Variants in ABCA13 observed in about 807,000 individuals in gnomAD.
ABCA13 encodes the protein ATP-binding cassette sub-family A member 13.
In ABCA13, 476 loss-of-function variants were observed where a neutral mutation model predicts 478.7. That is an observed-to-expected ratio of 0.99 (90% CI 0.92 to 1.07). The LOEUF (loss-of-function observed/expected upper bound fraction) is 1.07, where lower values mean the gene tolerates loss of function less well. ABCA13 is among the 50% of genes least tolerant of loss of function. The pLI, the probability that ABCA13 is intolerant of heterozygous loss-of-function variation, is 0.00. For synonymous variants in ABCA13, 2,252 were observed against 2,158.9 expected, an observed-to-expected ratio of 1.04 and a Z score of -1.20; for missense variants, 6,060 against 5,910.6, an observed-to-expected ratio of 1.03 and a Z score of -0.83.
chr7:48,345,899 C>G (rs1041198197), intron 29 of ABCA13, among the ~76,000 whole-genome samples: 11 of 152,156 alleles, frequency 7.2e-5, no homozygotes, highest in African/African-American at 2.7e-4. Context: ...CTAAGTGTAT[C>G]ATTTAATACC....
chr7:48,299,591 C>T (rs546739684), intron 23 of ABCA13, among the ~76,000 whole-genome samples: 8 of 152,106 alleles, frequency 5.3e-5, no homozygotes, highest in Non-Finnish European at 1.0e-4. Context: ...GTTATTGAAA[C>T]GAGTAATAGG....
At chr7:48,232,166 G>GTTTTTTTTTTTTTTTTTTT (rs1789240529) in intron 7 of ABCA13, among the ~76,000 whole-genome samples, 1 of 14,284 alleles carries the variant, frequency 7.0e-5, no homozygotes, top group Admixed American at 5.5e-4. Flanking sequence ...TTTTTTTTTA[G>GTTTTTTTTTTTTTTTTTTT]CTTTCTGTAA....
At chr7:48,256,109 GTGTC>G (rs1228311749) in intron 15 of ABCA13, among the ~76,000 whole-genome samples, 1 of 152,092 alleles carries the variant, frequency 6.6e-6, no homozygotes, top group Non-Finnish European at 1.5e-5. Context: ...CTTCTAAAAA[GTGTC>G]TGTTCATGTC....
At chr7:48,374,879 C>T (rs1214524737) in intron 34 of ABCA13, among the ~76,000 whole-genome samples, 3 of 152,194 alleles carry the variant, frequency 2.0e-5, no homozygotes, top group Admixed American at 1.3e-4. Flanking sequence ...CAGCCACTCT[C>T]CATTGCTCAC....
At chr7:48,388,001 T>C (rs760305647) in intron 36 of ABCA13, 42 bp downstream of exon 36, 1 of 1,577,970 alleles carries the variant, frequency 6.3e-7, no homozygotes, top group Admixed American at 1.9e-5. Flanking sequence ...TATTTTTCCT[T>C]TGATCCATTT....
intron 48 of ABCA13, among the ~76,000 whole-genome samples, chr7:48,497,305 C>A (rs1830362363): frequency 2.0e-5 from 3 of 151,918 alleles, no homozygotes; most frequent in Admixed American, 2.0e-4. Flanking sequence ...TTTATATTTT[C>A]TAATGAGATT....
rs145805329 is a variant in ABCA13 at position 48,455,749 on chromosome 7, G to A, written c.12815+463G>A. On this transcript the variant is annotated intron_variant, in intron 43 of 61. Transcript: ENST00000435803. ...CACACCTCTCTGCGGAGAAACGTATGACAGCACGGAAGGGATGGAAGCCCT... is the reference window on the plus strand; with the variant it reads ...CACACCTCTCTGCGGAGAAACGTATAACAGCACGGAAGGGATGGAAGCCCT... Among the ~76,000 whole-genome samples, 200 of 152,362 alleles carry A rather than the reference G, an allele frequency of 1.3e-3. 2 individuals carry two copies. Among genetic ancestry groups the A allele is most frequent in the African/African-American group, 4.3e-3 (179 of 41,586 alleles).
At chr7:48,579,727 AG>A (rs1222858196) in intron 55 of ABCA13, among the ~76,000 whole-genome samples, 1 of 152,198 alleles carries the variant, frequency 6.6e-6, no homozygotes, top group Non-Finnish European at 1.5e-5. Context: ...GGCTAAACAA[AG>A]CAAAAGGGAT....
At chr7:48,175,732 T>A (rs544341431) in intron 1 of ABCA13, among the ~76,000 whole-genome samples, 7 of 152,314 alleles carry the variant, frequency 4.6e-5, no homozygotes, top group African/African-American at 1.4e-4. Flanking sequence ...ATGTGATATA[T>A]CATTGTTATT....
chr7:48,534,690 T>G (rs1477619736), intron 55 of ABCA13, among the ~76,000 whole-genome samples: 2 of 152,204 alleles, frequency 1.3e-5, no homozygotes, highest in Non-Finnish European at 2.9e-5. Flanking sequence ...TCTTGGAGGC[T>G]TTGTTCATTT....
chr7:48,395,591 C>A (rs1816735271), intron 38 of ABCA13, among the ~76,000 whole-genome samples: 1 of 152,186 alleles, frequency 6.6e-6, no homozygotes, highest in Non-Finnish European at 1.5e-5. Context: ...TTTGAGATAG[C>A]AAGACCAGCT....
chr7:48,574,278 G>A (rs1332019483), intron 55 of ABCA13, among the ~76,000 whole-genome samples: 1 of 152,032 alleles, frequency 6.6e-6, no homozygotes, highest in African/African-American at 2.4e-5. Context: ...CTCAGAAAAT[G>A]GGATGATCTT....
In ABCA13 at chr7:48,185,887, T is replaced by C. The variant is rs190394190; in HGVS notation, c.70-7072T>C. Among the ~76,000 whole-genome samples, 866 of 152,118 alleles carry C rather than the reference T, an allele frequency of 5.7e-3. 12 individuals are homozygous for C. Among genetic ancestry groups the C allele is most frequent in the African/African-American group, 0.02 (820 of 41,570 alleles). ...GAGGTTAAATGATTAAGTATACACG[T>C]TCATAATATTATTATACTTTTTGGT... is the stretch of plus-strand genomic sequence containing the variant. On this transcript the variant is annotated intron_variant, in intron 1 of 61. Transcript: ENST00000435803.
At chr7:48,376,709 G>C in intron 35 of ABCA13, 137 bp downstream of exon 35, 2 of 1,063,384 alleles carry the variant, frequency 1.9e-6, no homozygotes, top group Non-Finnish European at 1.3e-6. Flanking sequence ...TATTTAAAAG[G>C]AGCTGTACAT....
Position 48,317,258 on chromosome 7 carries a change from A to C in ABCA13, c.9961A>C (p.Thr3321Pro). 6.2e-7 allele frequency: 1 copy of C among 1,613,624 alleles called. No individual in the cohort carries two copies. The highest frequency in any genetic ancestry group is 8.5e-7 in the Non-Finnish European group (1 of 1,179,832). The change falls in exon 27 of 62, where the codon ACA (threonine) becomes CCA (proline). Residue 3321 changes from threonine (T) to proline (P), a missense_variant. Thr to Pro is a conservative substitution (Grantham distance 38). This residue lies in a region of ABCA13 where 4,423 missense variants were observed against 4,309.1 expected (regional missense o/e 1.03). Transcript: ENST00000435803. ...CATATTGCATGGAAAAATACTATAC[A>C]CACCAAACACTCCAGAAATTAACAA... ...KPILHGKILY[T>P]PNTPEINKVI...
At chr7:48,639,252 C>T (rs1794923602) in intron 59 of ABCA13, among the ~76,000 whole-genome samples, 1 of 152,184 alleles carries the variant, frequency 6.6e-6, no homozygotes, top group African/African-American at 2.4e-5. Flanking sequence ...TGTTTGCATC[C>T]CGCTGTTTGC....
chr7:48,210,621 T>C (rs547903382), intron 3 of ABCA13, among the ~76,000 whole-genome samples: 2 of 152,148 alleles, frequency 1.3e-5, no homozygotes, highest in African/African-American at 2.4e-5. Flanking sequence ...GGGCATATTG[T>C]TCACTATTTC....
At chr7:48,453,400 T>C (rs1420856808) in intron 42 of ABCA13, among the ~76,000 whole-genome samples, 3 of 152,182 alleles carry the variant, frequency 2.0e-5, no homozygotes, top group Non-Finnish European at 2.9e-5. Context: ...GCCTTATAAT[T>C]TGGAAGTCTA....
At chr7:48,628,061 C>T (rs894958032) in intron 59 of ABCA13, among the ~76,000 whole-genome samples, 2 of 152,108 alleles carry the variant, frequency 1.3e-5, no homozygotes, top group Non-Finnish European at 2.9e-5. Context: ...ACGCTCAAAC[C>T]GTAGCACCAC....
Sources: allele counts gnomAD v4.1 joint callset (sites outside exome capture counted in the v4.1 genomes callset), GRCh38; gene constraint gnomAD v4.1.1; regional missense constraint gnomAD v4.1.1; transcripts MANE v1.5; gene names NCBI Gene and HGNC (gene_info 2026-07-23, HGNC 2026-07-21).